The following ZCCHC17 variants were observed in gnomAD, a reference collection of about 807,000 sequenced individuals.
The protein encoded by ZCCHC17 is zinc finger CCHC-type containing 17, also known as zinc finger CCHC domain-containing protein 17.
In ZCCHC17, 18 loss-of-function variants were observed where a neutral mutation model predicts 30.6. The observed-to-expected ratio is 0.59, with a 90% CI of 0.41 to 0.87. ZCCHC17 has a LOEUF of 0.87. Ranked by LOEUF, ZCCHC17 falls within the 40% of genes least tolerant of loss-of-function variation. The probability of loss-of-function intolerance (pLI) is 0.00; values close to 1 mark genes in which losing one functional copy is unlikely to be tolerated. For missense variants in ZCCHC17, 263 were observed against 284.2 expected (o/e 0.93, Z 0.54); for synonymous variants, 88 against 92.4 (o/e 0.95, Z 0.27).
At chr1:31,315,355 T>G (rs1254601681) in intron 2 of ZCCHC17, among the ~76,000 whole-genome samples, 1 of 152,212 alleles carries the variant, frequency 6.6e-6, no homozygotes, top group Non-Finnish European at 1.5e-5. Context: ...CTTGCTGAAC[T>G]TAGCAGGGAT....
chr1:31,334,696 A>G (rs952520586), intron 3 of ZCCHC17, among the ~76,000 whole-genome samples: 1 of 152,130 alleles, frequency 6.6e-6, no homozygotes, highest in Non-Finnish European at 1.5e-5. Context: ...TTAGTATGGG[A>G]AAATGCTAGA....
At chr1:31,340,470 A>G (rs1351863363) in intron 5 of ZCCHC17, among the ~76,000 whole-genome samples, 1 of 152,046 alleles carries the variant, frequency 6.6e-6, no homozygotes, top group Non-Finnish European at 1.5e-5. Flanking sequence ...GGCATGTGCC[A>G]CCATGCCCGG....
intron 3 of ZCCHC17, 76 bp downstream of exon 3, chr1:31,319,242 C>A: frequency 8.0e-7 from 1 of 1,245,186 alleles, no homozygotes; most frequent in Non-Finnish European, 1.1e-6. Context: ...TAATTATAGG[C>A]TGTACATTTT....
intron 5 of ZCCHC17, 108 bp from the exon 6 acceptor site, chr1:31,346,532 T>C: frequency 7.6e-7 from 1 of 1,314,078 alleles, no homozygotes; most frequent in Non-Finnish European, 1.0e-6. Context: ...TTTCTTTCTT[T>C]CTCCCCTTTC....
intron 2 of ZCCHC17, chr1:31,318,147 A>C (rs1306977994): frequency 3.3e-6 from 5 of 1,528,538 alleles, no homozygotes; most frequent in Non-Finnish European, 4.4e-6. Context: ...GGATTGTTTT[A>C]TTTACTCCCC....
At chr1:31,348,164 G>T (rs1639343139) in intron 6 of ZCCHC17, among the ~76,000 whole-genome samples, 1 of 152,214 alleles carries the variant, frequency 6.6e-6, no homozygotes, top group African/African-American at 2.4e-5. Context: ...TGGTTTTGGT[G>T]CAGCAGAAAG....
intron 4 of ZCCHC17, 24 bp from the exon 5 acceptor site, chr1:31,338,933 G>T (rs750654305): frequency 6.4e-7 from 1 of 1,551,658 alleles, no homozygotes; most frequent in South Asian, 1.2e-5. Flanking sequence ...AAAGTTTTTG[G>T]TGACTTTTTT....
At chr1:31,346,365 T>C (rs1304532097) in intron 5 of ZCCHC17, among the ~76,000 whole-genome samples, 2 of 152,178 alleles carry the variant, frequency 1.3e-5, no homozygotes, top group African/African-American at 4.8e-5. Context: ...AACCTATGAG[T>C]GACCTGGTAA....
intron 7 of ZCCHC17, among the ~76,000 whole-genome samples, chr1:31,351,234 A>G (rs1341071636): frequency 6.6e-6 from 1 of 152,164 alleles, no homozygotes; most frequent in Non-Finnish European, 1.5e-5. Flanking sequence ...TCCCACATCT[A>G]GTCAGTCACC....
intron 7 of ZCCHC17, among the ~76,000 whole-genome samples, chr1:31,361,853 C>T (rs1469803981): frequency 6.6e-6 from 1 of 151,502 alleles, no homozygotes; most frequent in Non-Finnish European, 1.5e-5. Flanking sequence ...GCTCAGTTGC[C>T]CAGCCTGGAG....
chr1:31,336,958 G>A (rs1352182764), intron 3 of ZCCHC17: 24 of 368,406 alleles, frequency 6.5e-5, no homozygotes, highest in Non-Finnish European at 1.5e-5. Flanking sequence ...ACAGGCATGA[G>A]CCACTGTGCC....
intron 3 of ZCCHC17, among the ~76,000 whole-genome samples, chr1:31,333,348 C>A (rs1278860504): frequency 6.6e-6 from 1 of 152,074 alleles, no homozygotes; most frequent in South Asian, 2.1e-4. Flanking sequence ...ATAGTGAAAC[C>A]CTGTCTCTAC....
intron 7 of ZCCHC17, among the ~76,000 whole-genome samples, chr1:31,358,537 G>A (rs1394108624): frequency 6.6e-6 from 1 of 152,144 alleles, no homozygotes; most frequent in Non-Finnish European, 1.5e-5. Context: ...TATATATTTT[G>A]AAGATATAAG....
At chr1:31,353,770 C>T (rs1164505210) in intron 7 of ZCCHC17, among the ~76,000 whole-genome samples, 1 of 151,974 alleles carries the variant, frequency 6.6e-6, no homozygotes, top group South Asian at 2.1e-4. Context: ...TGGTCTTGGC[C>T]CCTGTTGAAA....
intron 5 of ZCCHC17, among the ~76,000 whole-genome samples, chr1:31,344,387 C>G (rs1040393071): frequency 1.2e-4 from 19 of 152,136 alleles, no homozygotes; most frequent in African/African-American, 4.3e-4. Flanking sequence ...TTAGTTCTTT[C>G]CAGAAAAGAA....
chr1:31,343,010 AG>A (rs1160723255), intron 5 of ZCCHC17, among the ~76,000 whole-genome samples: 1 of 152,220 alleles, frequency 6.6e-6, no homozygotes, highest in Non-Finnish European at 1.5e-5. Context: ...CTAGAATGGA[AG>A]GCTTGAAAGA....
At chr1:31,351,656 T>C (rs1189198574) in intron 7 of ZCCHC17, among the ~76,000 whole-genome samples, 1 of 152,024 alleles carries the variant, frequency 6.6e-6, no homozygotes, top group African/African-American at 2.4e-5. Flanking sequence ...GGTGGGAGGA[T>C]CTCTTGGGCC....
At chr1:31,361,142 A>G (rs1165710738) in intron 7 of ZCCHC17, among the ~76,000 whole-genome samples, 3 of 152,180 alleles carry the variant, frequency 2.0e-5, no homozygotes, top group Non-Finnish European at 4.4e-5. Context: ...TAGCTAAACT[A>G]TTGATTTGCC....
At position 31,333,336 on chromosome 1, in the gene ZCCHC17, AC is replaced by A. The variant is rs1638668177; in HGVS notation, c.125-3838del. Reference sequence around the variant, plus strand: ...CAGGAGTTCAAGACCAGCCTGGCCAACATAGTGAAACCCTGTCTCTACTAAA... The same window carrying A: ...CAGGAGTTCAAGACCAGCCTGGCCAAATAGTGAAACCCTGTCTCTACTAAA... On this transcript the variant is annotated intron_variant, in intron 3 of 7. Transcript: ENST00000344147. 9.8e-5 allele frequency among the ~76,000 whole-genome samples: 15 copies of A among 152,294 alleles called. 2 individuals carry two copies. The South Asian group carries it at 3.1e-3, about 32-fold the overall frequency.
Sources: gnomAD v4.1 joint callset for allele counts (sites outside exome capture counted in the v4.1 genomes callset) on GRCh38, gnomAD v4.1.1 for gene constraint, MANE v1.5 for transcripts, NCBI Gene and HGNC (gene_info 2026-07-23, HGNC 2026-07-21) for gene names.